HS6ST3: variants seen among roughly 807,000 people sequenced by gnomAD.
The protein encoded by HS6ST3 is heparan-sulfate 6-O-sulfotransferase 3.
In HS6ST3, 12 loss-of-function variants were observed where a neutral mutation model predicts 36.7. The observed-to-expected ratio is 0.33, with a 90% CI of 0.21 to 0.53. The LOEUF (loss-of-function observed/expected upper bound fraction) is 0.53, where lower values mean the gene tolerates loss of function less well. HS6ST3 is among the 20% of genes least tolerant of loss of function. The probability of loss-of-function intolerance (pLI) is 0.95; values close to 1 mark genes in which losing one functional copy is unlikely to be tolerated. For missense variants in HS6ST3, 584 were observed against 640.9 expected (o/e 0.91, Z 0.96); for synonymous variants, 240 against 257.5 (o/e 0.93, Z 0.65).
intron 1 of HS6ST3, among the ~76,000 whole-genome samples, chr13:96,547,877 CT>C (rs902038825): frequency 6.2e-4 from 90 of 146,232 alleles, no homozygotes; most frequent in Admixed American, 6.9e-4. Context: ...GCCCGATAAT[CT>C]TTTTTTTTTT....
intron 1 of HS6ST3, among the ~76,000 whole-genome samples, chr13:96,700,518 C>A (rs1875257370): frequency 6.6e-6 from 1 of 152,120 alleles, no homozygotes; most frequent in Non-Finnish European, 1.5e-5. Context: ...GTAGTTATGT[C>A]AAAAACTTTA....
chr13:96,159,099 G>C (rs561943395), intron 1 of HS6ST3, among the ~76,000 whole-genome samples: 2 of 152,284 alleles, frequency 1.3e-5, no homozygotes, highest in East Asian at 1.9e-4. Context: ...GGAGCAGTTG[G>C]GGGTACAGAC....
intron 1 of HS6ST3, among the ~76,000 whole-genome samples, chr13:96,156,014 T>C (rs986075630): frequency 6.6e-6 from 1 of 152,188 alleles, no homozygotes; most frequent in African/African-American, 2.4e-5. Flanking sequence ...ACCCTCATGA[T>C]TGTCATTCTC....
intron 1 of HS6ST3, among the ~76,000 whole-genome samples, chr13:96,502,511 A>G (rs977564709): frequency 1.3e-5 from 2 of 152,132 alleles, no homozygotes; most frequent in Non-Finnish European, 2.9e-5. Flanking sequence ...TGTATTTATT[A>G]TCAAGCAGGG....
At chr13:96,174,727 A>T (rs1364027446) in intron 1 of HS6ST3, among the ~76,000 whole-genome samples, 1 of 152,218 alleles carries the variant, frequency 6.6e-6, no homozygotes, top group Non-Finnish European at 1.5e-5. Context: ...CAATATTATG[A>T]TCAAATAAAT....
chr13:96,367,186 A>G (rs761378008), intron 1 of HS6ST3, among the ~76,000 whole-genome samples: 9 of 152,222 alleles, frequency 5.9e-5, no homozygotes, highest in Non-Finnish European at 1.3e-4. Flanking sequence ...ATAGATTAAA[A>G]GCCATATTTA....
intron 1 of HS6ST3, among the ~76,000 whole-genome samples, chr13:96,443,582 A>G (rs1418700674): frequency 6.6e-6 from 1 of 151,538 alleles, no homozygotes; most frequent in African/African-American, 2.4e-5. Context: ...TTTGATCACT[A>G]TTTAAAAAAG....
chr13:96,233,744 A>G (rs2054519049), intron 1 of HS6ST3, among the ~76,000 whole-genome samples: 1 of 152,188 alleles, frequency 6.6e-6, no homozygotes, highest in South Asian at 2.1e-4. Flanking sequence ...GGGAATGTGG[A>G]GAGGTTGGGC....
intron 1 of HS6ST3, among the ~76,000 whole-genome samples, chr13:96,792,756 A>T (rs1261945640): frequency 6.6e-6 from 1 of 152,044 alleles, no homozygotes; most frequent in Non-Finnish European, 1.5e-5. Flanking sequence ...AGCTTCACTT[A>T]TCTGGAGAGA....
intron 1 of HS6ST3, among the ~76,000 whole-genome samples, chr13:96,318,920 T>C (rs776750884): frequency 4.6e-5 from 7 of 152,128 alleles, no homozygotes; most frequent in Non-Finnish European, 7.4e-5. Flanking sequence ...CAAAGGAAAA[T>C]GTTAATTCTG....
Position 96,764,758 on chromosome 13 carries a change from AT to A in HS6ST3, c.708-67728del, listed in dbSNP as rs372294526. On this transcript the variant is annotated intron_variant, in intron 1 of 1. Coordinates refer to ENST00000376705, the MANE Select transcript of HS6ST3 (RefSeq NM_153456.4). ...TTGTGCCACTTTGGCTCTTTCTCAT[AT>A]TTTCAACTCTCTGGGAAGAATTTAA... Among the ~76,000 whole-genome samples the A allele has an allele frequency of 1.3e-3, 203 of 151,924 alleles. 1 individual carries two copies. Among genetic ancestry groups the A allele is most frequent in the East Asian group, 8.0e-3 (41 of 5,140 alleles).
At chr13:96,400,774 T>G (rs113863243) in intron 1 of HS6ST3, among the ~76,000 whole-genome samples, 7 of 152,280 alleles carry the variant, frequency 4.6e-5, no homozygotes, top group African/African-American at 1.7e-4. Context: ...ACATGGTGGT[T>G]TGCACAAAAT....
intron 1 of HS6ST3, among the ~76,000 whole-genome samples, chr13:96,700,431 A>G (rs573997001): frequency 6.6e-6 from 1 of 152,166 alleles, no homozygotes; most frequent in East Asian, 1.9e-4. Flanking sequence ...TCAAGATGAG[A>G]TTTGGGTGGG....
chr13:96,711,271 A>C (rs1168246850), intron 1 of HS6ST3, among the ~76,000 whole-genome samples: 1 of 152,180 alleles, frequency 6.6e-6, no homozygotes, highest in African/African-American at 2.4e-5. Context: ...AATTTCTCAG[A>C]ACCTGGCCAG....
intron 1 of HS6ST3, among the ~76,000 whole-genome samples, chr13:96,584,604 C>T (rs1180024649): frequency 6.6e-6 from 1 of 152,164 alleles, no homozygotes; most frequent in African/African-American, 2.4e-5. Flanking sequence ...CTAATATTGA[C>T]AAGCTAACAT....
intron 1 of HS6ST3, among the ~76,000 whole-genome samples, chr13:96,230,002 G>C (rs565685834): frequency 1.1e-4 from 17 of 152,238 alleles, no homozygotes; most frequent in African/African-American, 3.9e-4. Flanking sequence ...GAAAGCACGG[G>C]GTATGTTCAA....
intron 1 of HS6ST3, among the ~76,000 whole-genome samples, chr13:96,407,505 CAT>C (rs1253344910): frequency 1.3e-5 from 2 of 152,160 alleles, no homozygotes; most frequent in African/African-American, 4.8e-5. Flanking sequence ...ATATTGGACA[CAT>C]ATTAGGGGCT....
intron 1 of HS6ST3, among the ~76,000 whole-genome samples, chr13:96,580,363 C>T (rs1416629148): frequency 2.7e-5 from 4 of 149,916 alleles, no homozygotes; most frequent in Non-Finnish European, 5.9e-5. Context: ...AGCTAAGTCA[C>T]GTATGTTTGC....
At position 96,837,038 on chromosome 13, in the gene HS6ST3, A is replaced by G. The variant is rs576763472; in HGVS notation, c.*3840A>G. 2.0e-5 allele frequency: 3 copies of G among 152,072 alleles called. No individual in the cohort carries two copies. In the South Asian group the frequency reaches 6.2e-4, roughly 32 times the overall value. 9.4% of individuals were successfully genotyped at this position (152,072 alleles called of 1,614,324 possible). A position where few individuals can be genotyped will look rare whatever the true frequency, so the allele number is the denominator to read the frequency against. ...ACATCTCATGGGTTAAAACCTAGACATTTGCCACATCTAGCTGCAAAGAAG... is the reference window on the plus strand; with the variant it reads ...ACATCTCATGGGTTAAAACCTAGACGTTTGCCACATCTAGCTGCAAAGAAG... On this transcript the variant is annotated 3_prime_UTR_variant, in exon 2 of 2. Coordinates refer to ENST00000376705, the MANE Select transcript of HS6ST3 (RefSeq NM_153456.4).
Sources: allele counts gnomAD v4.1 joint callset (sites outside exome capture counted in the v4.1 genomes callset), GRCh38; gene constraint gnomAD v4.1.1; transcripts MANE v1.5; gene names NCBI Gene and HGNC (gene_info 2026-07-23, HGNC 2026-07-21).